RGCC: variants seen among roughly 807,000 people sequenced by gnomAD.
RGCC encodes regulator of cell cycle.
A neutral mutation model predicts 15.4 loss-of-function variants in RGCC; 15 were observed. The observed-to-expected ratio is 0.97, with a 90% CI of 0.65 to 1.50. The LOEUF (loss-of-function observed/expected upper bound fraction) is 1.50. Among genes scored for constraint, RGCC ranks in the 40% most tolerant of loss-of-function variants. The pLI, the probability that RGCC is intolerant of heterozygous loss-of-function variation, is 0.00. For missense variants in RGCC, 176 were observed against 189.7 expected, an observed-to-expected ratio of 0.93 and a Z score of 0.42; for synonymous variants, 81 against 78.0, an observed-to-expected ratio of 1.04 and a Z score of -0.20.
rs1044492686 is a variant in RGCC at position 41,457,832 on chromosome 13, G to A, written c.49+76G>A. 7.4e-7 allele frequency: 1 copy of A among 1,346,418 alleles called. No individual in the cohort carries two copies. The highest frequency in any genetic ancestry group is 9.5e-7 in the Non-Finnish European group (1 of 1,048,038). The allele number at this position is 1,346,418 out of a possible 1,614,324, so 83.4% of individuals were successfully genotyped here. Reference sequence around the variant, plus strand: ...GGTGAGAAAGGAGGGGCCCCGTGTCGTCCCTTCACACCCCCCACCCTTCCA... The same window carrying A: ...GGTGAGAAAGGAGGGGCCCCGTGTCATCCCTTCACACCCCCCACCCTTCCA... On this transcript the variant is annotated intron_variant, in intron 1 of 4. Coordinates refer to ENST00000379359, the MANE Select transcript of RGCC (RefSeq NM_014059.3). The surrounding 1 kb of genome is among the most constrained non-coding windows in gnomAD (Gnocchi z 4.9).
At chr13:41,468,950 C>G (rs2324791) in intron 4 of RGCC, 112 bp downstream of exon 4, 757,003 of 770,862 alleles carry the variant, frequency 0.98, 372,647 homozygotes, top group East Asian at 1. Flanking sequence ...TCATCCTAAG[C>G]CTTCTATAGG....
At chr13:41,459,520 T>C (rs2043810435) in intron 2 of RGCC, among the ~76,000 whole-genome samples, 2 of 152,210 alleles carry the variant, frequency 1.3e-5, no homozygotes, top group Non-Finnish European at 2.9e-5. Flanking sequence ...GACATGAACA[T>C]GAGCTGCCCT....
At chr13:41,465,162 A>G (rs1015712546) in intron 2 of RGCC, among the ~76,000 whole-genome samples, 1 of 152,172 alleles carries the variant, frequency 6.6e-6, no homozygotes, top group African/African-American at 2.4e-5. Context: ...CCTAAGCTGG[A>G]GGTAGTTGGC....
Position 41,457,720 on chromosome 13 carries a change from G to A in RGCC, c.13G>A (p.Ala5Thr). ...GCTGAGCCGCCTCATGAAGCCGCCC[G>A]CGGCGCAGGGCAGCCCCGCGGCCGC... is the stretch of plus-strand genomic sequence containing the variant. MKPP[A>T]AQGSPAAAAA... Residue 5 changes from alanine to threonine, a missense_variant, in exon 1 of 5, where the codon GCG becomes ACG. Physicochemically the swap from Ala to Thr is moderately conservative, Grantham distance 58. Coordinates refer to ENST00000379359, the MANE Select transcript of RGCC (RefSeq NM_014059.3). This position sits in a 1 kb window ranked among gnomAD's most constrained non-coding sequence, Gnocchi z 4.9. 1.4e-6 allele frequency: 2 copies of A among 1,460,842 alleles called. No homozygotes were observed. Among genetic ancestry groups the A allele is most frequent in the Non-Finnish European group, 1.8e-6 (2 of 1,108,802 alleles). 90.5% of individuals were successfully genotyped at this position (1,460,842 alleles called of 1,614,324 possible). A position where few individuals can be genotyped will look rare whatever the true frequency, so the allele number is the denominator to read the frequency against.
chr13:41,466,206 C>T (rs909754986), intron 2 of RGCC, among the ~76,000 whole-genome samples: 2 of 150,028 alleles, frequency 1.3e-5, no homozygotes, highest in African/African-American at 2.5e-5. Flanking sequence ...CACACTCATA[C>T]ACTCACACAC....
chr13:41,463,641 C>A (rs1368495992), intron 2 of RGCC, among the ~76,000 whole-genome samples: 1 of 151,898 alleles, frequency 6.6e-6, no homozygotes, highest in African/African-American at 2.4e-5. Flanking sequence ...GAGTGGCTGT[C>A]AGTTTGTCTG....
At chr13:41,465,922 A>G (rs1593578188) in intron 2 of RGCC, among the ~76,000 whole-genome samples, 1 of 152,228 alleles carries the variant, frequency 6.6e-6, no homozygotes, top group Admixed American at 6.5e-5. Flanking sequence ...CAGAAGGGAC[A>G]TATTTCACTT....
chr13:41,458,438 T>A lies in RGCC; in HGVS notation c.203T>A (p.Val68Asp), dbSNP rs2043804603. 6.2e-7 allele frequency: 1 copy of A among 1,600,910 alleles called. No individual in the cohort carries two copies. Among genetic ancestry groups the A allele is most frequent in the Non-Finnish European group, 8.5e-7 (1 of 1,178,602 alleles). Reference sequence around the variant, plus strand: ...ATGAAGCGGCGCAGCAGCGCCAGTGTCAGCGACAGCAGCGGCTTCAGCGAC... The same window carrying A: ...ATGAAGCGGCGCAGCAGCGCCAGTGACAGCGACAGCAGCGGCTTCAGCGAC... ...ERMKRRSSAS[V>D]SDSSGFSDSE... Residue 68 changes from valine (V) to aspartate (D), a missense_variant, in exon 2 of 5, where the codon GTC (valine) becomes GAC (aspartate). Val to Asp is a radical substitution (Grantham distance 152). Coordinates refer to ENST00000379359, the MANE Select transcript of RGCC (RefSeq NM_014059.3). This position sits in a 1 kb window ranked among gnomAD's most constrained non-coding sequence, Gnocchi z 4.4.
At position 41,466,942 on chromosome 13, in the gene RGCC, A is replaced by G; in HGVS notation, c.343+12A>G. On this transcript the variant is annotated intron_variant, in intron 3 of 4. Coordinates refer to ENST00000379359, the MANE Select transcript of RGCC (RefSeq NM_014059.3). ...CACTCCTCAGAAAGGTAAGGTCATT[A>G]GTTGGAATTTGAGTTTTTTGCTTTT... 1 of 1,593,710 alleles carries G rather than the reference A, an allele frequency of 6.3e-7. No individual in the cohort carries two copies. Among genetic ancestry groups the G allele is most frequent in the Non-Finnish European group, 8.6e-7 (1 of 1,161,656 alleles).
Position 41,470,733 on chromosome 13 carries a change from A to G in RGCC, c.*248A>G. The G allele has an allele frequency of 9.8e-6, 4 of 408,566 alleles. No homozygotes were observed. Among genetic ancestry groups the G allele is most frequent in the Middle Eastern group, 6.3e-4 (1 of 1,596 alleles). The allele number at this position is 408,566 out of a possible 1,614,324, so 25.3% of individuals were successfully genotyped here. A position where few individuals can be genotyped will look rare whatever the true frequency, so the allele number is the denominator to read the frequency against. Reference sequence around the variant, plus strand: ...AACAGACGATCCATGCTAATATTGTATTTTCTCTTAAAACATAGCTTTCCT... The same window carrying G: ...AACAGACGATCCATGCTAATATTGTGTTTTCTCTTAAAACATAGCTTTCCT... On this transcript the variant is annotated 3_prime_UTR_variant, in exon 5 of 5. Transcript: ENST00000379359.
In RGCC at chr13:41,468,784, G is replaced by T; in HGVS notation, c.352G>T (p.Gly118Ter). The change falls in exon 4 of 5, where the codon GGA (glycine) becomes TGA (stop). Residue 118 changes from glycine (G) to a stop codon, truncating the protein, a stop_gained. Transcript: ENST00000379359. LOFTEE classifies it high-confidence loss of function. ...ATVTPQKAKLGDTKELEAFIA... is the reference protein window; with the variant it reads ...ATVTPQKAKL ...CCTCTCCTGTTTCACAGCTAAATTA[G>T]GAGACACAAAAGAGCTAGAAGCCTT... 6.2e-7 allele frequency: 1 copy of T among 1,606,314 alleles called. No homozygotes were observed.
chr13:41,468,954 C>T, intron 4 of RGCC, 116 bp downstream of exon 4: 1 of 732,434 alleles, frequency 1.4e-6, no homozygotes, highest in Non-Finnish European at 2.2e-6. Context: ...CCTAAGCCTT[C>T]TATAGGTTTA....
intron 2 of RGCC, among the ~76,000 whole-genome samples, chr13:41,465,313 G>A (rs1040957644): frequency 5.9e-5 from 9 of 152,102 alleles, no homozygotes; most frequent in African/African-American, 1.2e-4. Context: ...GCTGTTCCCC[G>A]TGACCTCAGG....
intron 2 of RGCC, among the ~76,000 whole-genome samples, chr13:41,462,587 C>T (rs144529674): frequency 6.6e-6 from 1 of 152,292 alleles, no homozygotes; most frequent in East Asian, 1.9e-4. Flanking sequence ...CCCAAATTAT[C>T]ACTGTTCTAG....
chr13:41,460,628 TCAGTAGAG>T (rs1349927852), intron 2 of RGCC, among the ~76,000 whole-genome samples: 2 of 152,172 alleles, frequency 1.3e-5, no homozygotes, highest in African/African-American at 4.8e-5. Flanking sequence ...TCTGGCAGGG[TCAGTAGAG>T]CTTAGATTGA....
chr13:41,457,710 G>GA lies in RGCC; in HGVS notation c.5dup (p.Pro3AlafsTer34), dbSNP rs1566335309. ...GCCGGGCCCAGCTGAGCCGCCTCAT[G>GA]AAGCCGCCCGCGGCGCAGGGCAGCC... is the stretch of plus-strand genomic sequence containing the variant. On this transcript the variant is annotated frameshift_variant, in exon 1 of 5. Transcript: ENST00000379359. LOFTEE classifies it high-confidence loss of function. This position sits in a 1 kb window ranked among gnomAD's most constrained non-coding sequence, Gnocchi z 4.9. 6.1e-6 allele frequency: 9 copies of GA among 1,481,776 alleles called. No individual in the cohort carries two copies. Among genetic ancestry groups the GA allele is most frequent in the Admixed American group, 4.9e-5 (2 of 40,410 alleles). 91.8% of individuals were successfully genotyped at this position (1,481,776 alleles called of 1,614,324 possible). A position where few individuals can be genotyped will look rare whatever the true frequency, so the allele number is the denominator to read the frequency against.
intron 2 of RGCC, among the ~76,000 whole-genome samples, chr13:41,463,109 GTTC>G (rs911235931): frequency 6.6e-6 from 1 of 152,128 alleles, no homozygotes; most frequent in Non-Finnish European, 1.5e-5. Context: ...CTAGGTTATT[GTTC>G]TTCTTCTAAC....
intron 4 of RGCC, among the ~76,000 whole-genome samples, chr13:41,469,292 T>TAAGAAGAAGAAGAAGAAGAAG (rs1440435520): frequency 9.7e-5 from 8 of 82,056 alleles, no homozygotes; most frequent in African/African-American, 2.7e-4. Context: ...ATAATAATAA[T>TAAGAAGAAGAAGAAGAAGAAG]AATAAGAAGA....
chr13:41,470,525 T>C lies in RGCC; in HGVS notation c.*40T>C. On this transcript the variant is annotated 3_prime_UTR_variant, in exon 5 of 5. Coordinates refer to ENST00000379359, the MANE Select transcript of RGCC (RefSeq NM_014059.3). Reference sequence around the variant, plus strand: ...GGTCCTTTCATCATAAGGGAGAAGCTTCAGAAAGTTCCGAGGACCTGCTAA... The same window carrying C: ...GGTCCTTTCATCATAAGGGAGAAGCCTCAGAAAGTTCCGAGGACCTGCTAA... 6.2e-7 allele frequency: 1 copy of C among 1,607,896 alleles called. No individual in the cohort carries two copies. The highest frequency in any genetic ancestry group is 8.5e-7 in the Non-Finnish European group (1 of 1,174,506).
Sources: gnomAD v4.1 joint callset for allele counts (sites outside exome capture counted in the v4.1 genomes callset) on GRCh38, gnomAD v4.1.1 for gene constraint, Gnocchi (gnomAD v3.1) non-coding constraint, MANE v1.5 for transcripts, NCBI Gene and HGNC (gene_info 2026-07-23, HGNC 2026-07-21) for gene names.